Variants in LIG3 observed in about 807,000 individuals in gnomAD.
The protein encoded by LIG3 is DNA ligase 3.
LIG3 carries 58 observed loss-of-function variants against 110.9 expected under a neutral mutation model. That is an observed-to-expected ratio of 0.52 (90% confidence interval 0.42 to 0.65). LIG3 has a LOEUF of 0.65. Among genes scored for constraint, LIG3 ranks in the 30% least tolerant of loss-of-function variants. LIG3 has a pLI of 0.00. For missense variants in LIG3, 1,094 were observed against 1,273.8 expected, an observed-to-expected ratio of 0.86 and a Z score of 2.15; for synonymous variants, 422 against 472.8, an observed-to-expected ratio of 0.89 and a Z score of 1.39.
At position 34,998,715 on chromosome 17, in the gene LIG3, C is replaced by A; in HGVS notation, c.2101C>A (p.Gln701Lys). 2 of 1,613,906 alleles carry A rather than the reference C, an allele frequency of 1.2e-6. No homozygotes were observed. Among genetic ancestry groups the A allele is most frequent in the African/African-American group, 1.3e-5 (1 of 75,036 alleles). Residue 701 changes from glutamine to lysine, a missense_variant, in exon 14 of 20, where the codon CAA becomes AAA. Transcript: ENST00000378526. ...DLVVLGAFYGQGSKGGMMSIF... is the reference protein window; with the variant it reads ...DLVVLGAFYGKGSKGGMMSIF... Reference sequence around the variant, plus strand: ...GGTGGTCCTTGGAGCCTTCTATGGGCAAGGGAGCAAAGGTCAGGGTGGCCT... The same window carrying A: ...GGTGGTCCTTGGAGCCTTCTATGGGAAAGGGAGCAAAGGTCAGGGTGGCCT...
chr17:34,996,000 A>G (rs2090773517), intron 9 of LIG3, 64 bp from the exon 10 acceptor site: 4 of 1,571,084 alleles, frequency 2.5e-6, no homozygotes, highest in African/African-American at 1.4e-5. Flanking sequence ...TTTGCCCTCC[A>G]TGGCATGGTT....
chr17:35,005,503 G>A lies in LIG3; in HGVS notation c.*997G>A. The A allele has an allele frequency of 1.8e-6, 1 of 567,464 alleles. No individual in the cohort carries two copies. Among genetic ancestry groups the A allele is most frequent in the Non-Finnish European group, 3.6e-6 (1 of 280,802 alleles). 35.2% of individuals were successfully genotyped at this position (567,464 alleles called of 1,614,324 possible). A position where few individuals can be genotyped will look rare whatever the true frequency, so the allele number is the denominator to read the frequency against. ...TGATGAACGTGGGCATCAGAGGCCA[G>A]TAGCTTTCTTGGCCTACAAAGTAAA... On this transcript the variant is annotated 3_prime_UTR_variant, in exon 20 of 20. Transcript: ENST00000378526.
In LIG3 at chr17:35,004,535, A is replaced by G. The variant is rs777182291; in HGVS notation, c.*29A>G. 23 of 1,571,478 alleles carry G rather than the reference A, an allele frequency of 1.5e-5. No individual in the cohort carries two copies. Among genetic ancestry groups the G allele is most frequent in the South Asian group, 3.3e-5 (3 of 90,096 alleles). On this transcript the variant is annotated 3_prime_UTR_variant, in exon 20 of 20. Transcript: ENST00000378526. ...TGCTGTCTTCCCTCTCCCTCAGGCCATACTCTCCTTTACCATACTACTGGA... is the reference window on the plus strand; with the variant it reads ...TGCTGTCTTCCCTCTCCCTCAGGCCGTACTCTCCTTTACCATACTACTGGA...
At chr17:34,987,515 A>G (rs983732652) in intron 3 of LIG3, among the ~76,000 whole-genome samples, 13 of 152,242 alleles carry the variant, frequency 8.5e-5, no homozygotes, top group African/African-American at 3.1e-4. Context: ...AAGAAAATAA[A>G]TAAAGCCAAA....
intron 16 of LIG3, among the ~76,000 whole-genome samples, chr17:35,000,201 G>A (rs566806620): frequency 1.4e-4 from 21 of 152,198 alleles, no homozygotes; most frequent in Non-Finnish European, 2.5e-4. Context: ...TTCAGCAACA[G>A]CAGCAGCAGA....
intron 19 of LIG3, chr17:35,003,286 GC>G: frequency 1.2e-6 from 1 of 853,222 alleles, no homozygotes; most frequent in Non-Finnish European, 1.7e-6. Flanking sequence ...CTTGGGTTTG[GC>G]AACATCTCCT....
At chr17:34,989,976 A>C (rs1043373660) in intron 4 of LIG3, 1 of 321,988 alleles carries the variant, frequency 3.1e-6, no homozygotes, top group Non-Finnish European at 5.9e-6. Flanking sequence ...ACTGTCCTAC[A>C]TATTTAATTA....
intron 1 of LIG3, among the ~76,000 whole-genome samples, chr17:34,982,415 C>T (rs1241311966): frequency 3.9e-5 from 6 of 152,040 alleles, no homozygotes; most frequent in Admixed American, 6.6e-5. Flanking sequence ...GAGGCCGAGG[C>T]GGGCGAATCA....
chr17:34,989,580 T>TA lies in LIG3; in HGVS notation c.807dup (p.Cys270MetfsTer7). On this transcript the variant is annotated frameshift_variant, in exon 4 of 20. Coordinates refer to ENST00000378526, the MANE Select transcript of LIG3 (RefSeq NM_013975.4). LOFTEE classifies it high-confidence loss of function. ...TGTCTGCTACGGGAGTTTCGAAAGTTATGCGCCATGGTGGCCGATAATCCT... is the reference window on the plus strand; with the variant it reads ...TGTCTGCTACGGGAGTTTCGAAAGTTAATGCGCCATGGTGGCCGATAATCCT... 1 of 1,614,080 alleles carries TA rather than the reference T, an allele frequency of 6.2e-7. No homozygotes were observed. The highest frequency in any genetic ancestry group is 8.5e-7 in the Non-Finnish European group (1 of 1,180,022).
chr17:35,000,010 A>T (rs1356435100), intron 16 of LIG3, among the ~76,000 whole-genome samples, 154 bp downstream of exon 16: 1 of 152,030 alleles, frequency 6.6e-6, no homozygotes, highest in Non-Finnish European at 1.5e-5. Context: ...CAACCAGACA[A>T]CTCTGAGGAA....
At chr17:34,986,234 CATT>C in intron 3 of LIG3, 103 bp downstream of exon 3, 2 of 1,151,362 alleles carry the variant, frequency 1.7e-6, no homozygotes, top group Middle Eastern at 2.0e-4. Flanking sequence ...TATCTCATCT[CATT>C]AATAATTTGC....
chr17:34,991,125 C>T lies in LIG3; in HGVS notation c.1041+11C>T, dbSNP rs116677517. 1.6e-4 allele frequency: 260 copies of T among 1,612,816 alleles called. 1 individual carries two copies. The African/African-American group carries it at 3.0e-3, about 18-fold the overall frequency. ...CGGGACCTAGAGCAGGTCAGAGGAA[C>T]GGGAGGGAGGGTAGGCTACATTCCA... is the stretch of plus-strand genomic sequence containing the variant. On this transcript the variant is annotated intron_variant, in intron 5 of 19. Transcript: ENST00000378526.
In LIG3 at chr17:35,005,469, A is replaced by G. The variant is rs1414337752; in HGVS notation, c.*963A>G. On this transcript the variant is annotated 3_prime_UTR_variant, in exon 20 of 20. Transcript: ENST00000378526. Reference sequence around the variant, plus strand: ...ATTATATGATATTGTTGAACCCCCAAGTATTGGCTGATGAACGTGGGCATC... The same window carrying G: ...ATTATATGATATTGTTGAACCCCCAGGTATTGGCTGATGAACGTGGGCATC... 4 of 561,178 alleles carry G rather than the reference A, an allele frequency of 7.1e-6. No homozygotes were observed. The highest frequency in any genetic ancestry group is 1.4e-5 in the Non-Finnish European group (4 of 276,888). 34.8% of individuals were successfully genotyped at this position (561,178 alleles called of 1,614,324 possible).
chr17:34,999,530 G>A (rs1262148188), intron 15 of LIG3, 81 bp downstream of exon 15: 16 of 1,509,706 alleles, frequency 1.1e-5, no homozygotes, highest in Non-Finnish European at 1.4e-5. Context: ...GGGACTACAG[G>A]TATTTCTGTC....
rs1361115914 is a variant in LIG3, at chr17:35,004,765, A to T, written c.*259A>T. 2.1e-6 allele frequency: 1 copy of T among 475,326 alleles called. No individual in the cohort carries two copies. Among genetic ancestry groups the T allele is most frequent in the Non-Finnish European group, 3.7e-6 (1 of 267,022 alleles). The allele number at this position is 475,326 out of a possible 1,614,324, so 29.4% of individuals were successfully genotyped here. The stretch of plus-strand genomic sequence containing the variant: ...CATCTTTTTGTTTTCTTTGAAAAGC[A>T]GCTTAGTTACCCTTTTTATAAATAA... On this transcript the variant is annotated 3_prime_UTR_variant, in exon 20 of 20. Transcript: ENST00000378526.
At chr17:35,000,353 G>C (rs1479763434) in intron 16 of LIG3, among the ~76,000 whole-genome samples, 1 of 152,162 alleles carries the variant, frequency 6.6e-6, no homozygotes, top group Non-Finnish European at 1.5e-5. Context: ...CCGCCTCCCG[G>C]GTTCAAGTGA....
chr17:34,997,505 A>G, intron 11 of LIG3: 1 of 505,546 alleles, frequency 2.0e-6, no homozygotes, highest in South Asian at 2.4e-5. Flanking sequence ...ATGAAGTAGA[A>G]CTAGGAACTA....
rs763604535 is a variant in LIG3, at chr17:35,005,485, C to T, written c.*979C>T. The T allele has an allele frequency of 2.3e-5, 13 of 562,110 alleles. No individual in the cohort carries two copies. The highest frequency in any genetic ancestry group is 4.7e-5 in the Non-Finnish European group (13 of 277,586). The allele number at this position is 562,110 out of a possible 1,614,324, so 34.8% of individuals were successfully genotyped here. ...GAACCCCCAAGTATTGGCTGATGAACGTGGGCATCAGAGGCCAGTAGCTTT... is the reference window on the plus strand; with the variant it reads ...GAACCCCCAAGTATTGGCTGATGAATGTGGGCATCAGAGGCCAGTAGCTTT... On this transcript the variant is annotated 3_prime_UTR_variant, in exon 20 of 20. Transcript: ENST00000378526.
intron 1 of LIG3, 30 bp downstream of exon 1, chr17:34,980,652 G>C (rs981606750): frequency 8.5e-7 from 1 of 1,173,438 alleles, no homozygotes; most frequent in Non-Finnish European, 1.1e-6. Flanking sequence ...GGCACGGCGC[G>C]GCGGGGCCCG....
Sources: allele counts gnomAD v4.1 joint callset (sites outside exome capture counted in the v4.1 genomes callset), GRCh38; gene constraint gnomAD v4.1.1; transcripts MANE v1.5; gene names NCBI Gene and HGNC (gene_info 2026-07-23, HGNC 2026-07-21).